Variants in CCDC18 observed in about 807,000 individuals in gnomAD.
CCDC18 encodes the protein coiled-coil domain containing 18.
Under a neutral mutation model 196.0 loss-of-function variants are expected in CCDC18, and 157 were observed. The ratio of observed to expected loss-of-function variants is 0.80; its 90% CI spans 0.70 to 0.91. CCDC18 has a LOEUF of 0.91. CCDC18 is among the 40% of genes least tolerant of loss of function. The pLI is 0.00. For missense variants in CCDC18, 1,465 were observed against 1,611.6 expected (o/e 0.91, Z 1.56); for synonymous variants, 482 against 529.2 (o/e 0.91, Z 1.22).
At chr1:93,204,252 A>G (rs1481183278) in intron 7 of CCDC18, among the ~76,000 whole-genome samples, 1 of 152,090 alleles carries the variant, frequency 6.6e-6, no homozygotes, top group Non-Finnish European at 1.5e-5. Context: ...TTTTTTAATG[A>G]AATAGGACAT....
At chr1:93,251,417 G>A (rs797680) in intron 23 of CCDC18, among the ~76,000 whole-genome samples, 3 of 152,050 alleles carry the variant, frequency 2.0e-5, no homozygotes, top group South Asian at 4.2e-4. Flanking sequence ...CATTAGTGGC[G>A]GTTTTTCTTT....
At position 93,212,184 on chromosome 1, in the gene CCDC18, C is replaced by T. The variant is rs375904406; in HGVS notation, c.1418C>T (p.Thr473Ile). ...AATCAGTTATCTCAGAGTCTTATTACTTGTAATGACAGCCAAGAAAGTAGC... is the reference window on the plus strand; with the variant it reads ...AATCAGTTATCTCAGAGTCTTATTATTTGTAATGACAGCCAAGAAAGTAGC... The part of the protein sequence containing the change: ...TANQLSQSLI[T>I]CNDSQESSKL... The change falls in exon 11 of 29, where the codon ACT (threonine) becomes ATT (isoleucine). Residue 473 changes from threonine to isoleucine, a missense_variant. Thr to Ile is a moderately conservative substitution (Grantham distance 89). Coordinates refer to ENST00000690025, the MANE Select transcript of CCDC18 (RefSeq NM_001378204.1). 22 of 1,610,576 alleles carry T rather than the reference C, an allele frequency of 1.4e-5. No homozygotes were observed. The African/African-American group carries it at 1.7e-4, about 13-fold the overall frequency.
intron 1 of CCDC18, among the ~76,000 whole-genome samples, chr1:93,182,387 T>C (rs1300136732): frequency 6.6e-6 from 1 of 152,146 alleles, no homozygotes; most frequent in Non-Finnish European, 1.5e-5. Context: ...TACATTGCGG[T>C]CCTGAACGTA....
At position 93,246,104 on chromosome 1, in the gene CCDC18, G is replaced by C; in HGVS notation, c.2982-1G>C. ...GATCTTTTTCCTTTGATAAATTGTA[G>C]AGAATGCAAGATGGAGATTGAAGAC... On this transcript the variant is annotated splice_acceptor_variant, in intron 21 of 28. Coordinates refer to ENST00000690025, the MANE Select transcript of CCDC18 (RefSeq NM_001378204.1). LOFTEE classifies it high-confidence loss of function. 6.3e-7 allele frequency: 1 copy of C among 1,584,302 alleles called. No homozygotes were observed. The highest frequency in any genetic ancestry group is 8.6e-7 in the Non-Finnish European group (1 of 1,163,090).
intron 16 of CCDC18, among the ~76,000 whole-genome samples, chr1:93,226,078 G>A (rs1570446233): frequency 6.6e-6 from 1 of 151,948 alleles, no homozygotes; most frequent in Non-Finnish European, 1.5e-5. Flanking sequence ...CCCTTTTCCT[G>A]GAATGCCCTT....
chr1:93,202,473 A>G (rs1653994772), intron 7 of CCDC18, among the ~76,000 whole-genome samples: 1 of 152,196 alleles, frequency 6.6e-6, no homozygotes, highest in South Asian at 2.1e-4. Context: ...ATCTTTAAGT[A>G]ATATCACATG....
chr1:93,230,229 C>T (rs747213104), intron 17 of CCDC18, among the ~76,000 whole-genome samples: 34 of 152,044 alleles, frequency 2.2e-4, no homozygotes, highest in Middle Eastern at 3.4e-3. Flanking sequence ...TGGCCAGGCA[C>T]GGTGGCTCAT....
intron 4 of CCDC18, among the ~76,000 whole-genome samples, chr1:93,188,914 A>G (rs765186848): frequency 3.3e-5 from 5 of 152,200 alleles, no homozygotes; most frequent in Non-Finnish European, 7.3e-5. Context: ...CATGCAGCAT[A>G]ATAATCGCAT....
rs953591854 is a variant in CCDC18, at chr1:93,232,454, T to C, written c.2321T>C (p.Ile774Thr). 3 of 1,605,480 alleles carry C rather than the reference T, an allele frequency of 1.9e-6. No homozygotes were observed. The African/African-American group carries it at 4.0e-5, about 22-fold the overall frequency. The part of the protein sequence containing the change: ...EVYCLQKELK[I>T]KNHSLQETSE... ...TATTGTTTACAGAAAGAGCTAAAGA[T>C]AAAAAATCACAGTCTTCAAGAGACT... The change falls in exon 18 of 29, where the codon ATA (isoleucine) becomes ACA (threonine). Residue 774 changes from isoleucine (I) to threonine (T), a missense_variant. Transcript: ENST00000690025.
chr1:93,238,966 C>T (rs1660406797), intron 19 of CCDC18, among the ~76,000 whole-genome samples: 2 of 152,104 alleles, frequency 1.3e-5, no homozygotes, highest in Admixed American at 1.3e-4. Context: ...GATTGTTTGG[C>T]TTATTTATTT....
intron 27 of CCDC18, among the ~76,000 whole-genome samples, chr1:93,267,951 T>C (rs1256830739): frequency 1.3e-5 from 2 of 152,270 alleles, no homozygotes; most frequent in African/African-American, 2.4e-5. Context: ...AAAGTTCATA[T>C]GGAACCAAAA....
chr1:93,192,454 A>G (rs1328053805), intron 5 of CCDC18, among the ~76,000 whole-genome samples: 1 of 152,190 alleles, frequency 6.6e-6, no homozygotes, highest in African/African-American at 2.4e-5. Flanking sequence ...ATTTTTACAG[A>G]AAGGGTCTCA....
At chr1:93,263,726 C>T (rs1304861361) in intron 26 of CCDC18, among the ~76,000 whole-genome samples, 1 of 152,220 alleles carries the variant, frequency 6.6e-6, no homozygotes, top group Non-Finnish European at 1.5e-5. Flanking sequence ...CTAACCTCTG[C>T]CCATTACCCA....
chr1:93,254,926 G>C, intron 24 of CCDC18, among the ~76,000 whole-genome samples: 1 of 130,780 alleles, frequency 7.6e-6, no homozygotes, highest in East Asian at 2.6e-4. Flanking sequence ...CTATGTAATA[G>C]AATTGAGGAG....
chr1:93,272,162 C>A (rs1025640920), intron 28 of CCDC18, among the ~76,000 whole-genome samples: 3 of 152,164 alleles, frequency 2.0e-5, no homozygotes, highest in African/African-American at 7.2e-5. Context: ...AGTTTTTCTT[C>A]ATAATACTTA....
intron 6 of CCDC18, among the ~76,000 whole-genome samples, chr1:93,196,799 T>C (rs948726716): frequency 6.6e-6 from 1 of 152,208 alleles, no homozygotes; most frequent in African/African-American, 2.4e-5. Context: ...AAGCATGAAT[T>C]TGAACAAATT....
intron 17 of CCDC18, among the ~76,000 whole-genome samples, chr1:93,228,509 A>T (rs983910001): frequency 1.2e-4 from 10 of 83,680 alleles, no homozygotes; most frequent in African/African-American, 7.6e-4. Flanking sequence ...TAGAAGTTTA[A>T]AAAAAAAAAA....
intron 25 of CCDC18, among the ~76,000 whole-genome samples, chr1:93,257,124 C>T (rs902393807): frequency 6.9e-6 from 1 of 145,124 alleles, no homozygotes; most frequent in African/African-American, 2.5e-5. Context: ...CCCAGCTACT[C>T]GGGAGGCTAA....
chr1:93,233,475 T>TA (rs112942308), intron 18 of CCDC18, among the ~76,000 whole-genome samples: 4 of 152,334 alleles, frequency 2.6e-5, no homozygotes, highest in African/African-American at 7.2e-5. Flanking sequence ...CCTGTAATCT[T>TA]ACTGTATTTT....
Sources: gnomAD v4.1 joint callset for allele counts (sites outside exome capture counted in the v4.1 genomes callset) on GRCh38, gnomAD v4.1.1 for gene constraint, MANE v1.5 for transcripts, NCBI Gene and HGNC (gene_info 2026-07-23, HGNC 2026-07-21) for gene names.